The following KRT73 variants were observed in gnomAD, a reference collection of about 807,000 sequenced individuals.
The protein encoded by KRT73 is keratin 73.
KRT73 carries 44 observed loss-of-function variants against 47.2 expected under a neutral mutation model. That is an observed-to-expected ratio of 0.93 (90% CI 0.73 to 1.20). KRT73 has a LOEUF of 1.20. Ranked by LOEUF, KRT73 falls within the 50% of genes most tolerant of loss-of-function variation. The pLI, the probability that KRT73 is intolerant of heterozygous loss-of-function variation, is 0.00. For missense variants in KRT73, 713 were observed against 704.5 expected (o/e 1.01, Z -0.14); for synonymous variants, 285 against 291.3 (o/e 0.98, Z 0.22).
upstream of KRT73, among the ~76,000 whole-genome samples, chr12:52,621,093 G>A (rs941468280): frequency 6.6e-6 from 1 of 152,100 alleles, no homozygotes; most frequent in Non-Finnish European, 1.5e-5. Context: ...TCATTGAAAT[G>A]CCTCTAAGTG....
At chr12:52,622,147 T>C (rs182900878), upstream of KRT73, among the ~76,000 whole-genome samples, 59 of 151,944 alleles carry the variant, frequency 3.9e-4, no homozygotes, top group African/African-American at 1.3e-3. Flanking sequence ...AAAAAGACGA[T>C]TGATAGATGC....
intron 1 of KRT73, among the ~76,000 whole-genome samples, chr12:52,617,218 C>T (rs1310830174): frequency 2.0e-5 from 3 of 152,204 alleles, no homozygotes; most frequent in Non-Finnish European, 4.4e-5. Context: ...ACCACCCTAC[C>T]TCACTGTCGC....
intron 1 of KRT73, 125 bp from the exon 2 acceptor site, chr12:52,616,505 T>A (rs1256600083): frequency 1.8e-6 from 2 of 1,113,246 alleles, no homozygotes; most frequent in Non-Finnish European, 2.5e-6. Context: ...CCTTAAAAAC[T>A]GCCACCCATG....
At chr12:52,618,621 G>A (rs547950464), upstream of KRT73, 7 of 1,336,340 alleles carry the variant, frequency 5.2e-6, no homozygotes, top group East Asian at 2.4e-5. Flanking sequence ...TAGGACTCAA[G>A]AGGGAGCCAT....
At position 52,608,368 on chromosome 12, in the gene KRT73, G is replaced by T; in HGVS notation, c.1451C>A (p.Pro484His). The T allele has an allele frequency of 6.2e-7, 1 of 1,613,434 alleles. No homozygotes were observed. The highest frequency in any genetic ancestry group is 8.5e-7 in the Non-Finnish European group (1 of 1,180,034). The change falls in exon 9 of 9, where the codon CCC (proline) becomes CAC (histidine). Residue 484 changes from proline to histidine, a missense_variant. Coordinates refer to ENST00000305748, the MANE Select transcript of KRT73 (RefSeq NM_175068.3). ...FSNAGTYGYWPSSVSGGYSML... is the reference protein window; with the variant it reads ...FSNAGTYGYWHSSVSGGYSML... ...GCTGTAGCCCCCGCTGACAGAGCTG[G>T]GCCAGTAGCCGTAGGTGCCAGCATT...
At position 52,608,248 on chromosome 12, in the gene KRT73, G is replaced by C. The variant is rs769635101; in HGVS notation, c.1571C>G (p.Ser524Cys). The change falls in exon 9 of 9, where the codon TCC becomes TGC. Residue 524 changes from serine (S) to cysteine (C), a missense_variant. Ser to Cys is a moderately radical substitution (Grantham distance 112, BLOSUM62 -1). Coordinates refer to ENST00000305748, the MANE Select transcript of KRT73 (RefSeq NM_175068.3). ...GCTTAGAGCTAAGGTCTTTCCCTGGGAGTCCCTGAATTCACTTGCACTCCC... is the reference window on the plus strand; with the variant it reads ...GCTTAGAGCTAAGGTCTTTCCCTGGCAGTCCCTGAATTCACTTGCACTCCC... ...RLGSASEFRD[S>C]QGKTLALSSP... 6.2e-7 allele frequency: 1 copy of C among 1,613,948 alleles called. No homozygotes were observed. The highest frequency in any genetic ancestry group is 8.5e-7 in the Non-Finnish European group (1 of 1,179,994).
rs760428547 is a variant in KRT73, at chr12:52,616,192, G to C, written c.636C>G (p.Arg212=). 1.2e-6 allele frequency: 2 copies of C among 1,613,932 alleles called. No homozygotes were observed. The highest frequency in any genetic ancestry group is 2.7e-5 in the African/African-American group (2 of 74,912). ...VRLDSELRSV[R]EVVEDYKKRY... is the part of the protein sequence containing the mutation. ...TCTTCTTGTAGTCCTCCACCACTTC[G>C]CGCACGCTCCTCAGCTCCGAGTCCA... The change falls in exon 2 of 9, where the codon CGC becomes CGG. Residue 212 remains arginine (R), a synonymous_variant. Transcript: ENST00000305748.
chr12:52,612,129 T>C (rs994941133), intron 5 of KRT73, among the ~76,000 whole-genome samples: 1 of 152,210 alleles, frequency 6.6e-6, no homozygotes, highest in Non-Finnish European at 1.5e-5. Flanking sequence ...TCCATCTGTA[T>C]TTTCTGTGAC....
At chr12:52,622,181 TA>T (rs1940918262), upstream of KRT73, among the ~76,000 whole-genome samples, 2 of 152,158 alleles carry the variant, frequency 1.3e-5, no homozygotes, top group Non-Finnish European at 2.9e-5. Flanking sequence ...ACAAAGTTGT[TA>T]AAATTATCTG....
At chr12:52,620,053 C>A (rs542021671), upstream of KRT73, among the ~76,000 whole-genome samples, 14 of 151,800 alleles carry the variant, frequency 9.2e-5, no homozygotes, top group South Asian at 1.7e-3. Context: ...AAAGGCAATG[C>A]CACTTGGAAG....
Position 52,614,685 on chromosome 12 carries a change from T to A in KRT73, c.724-11A>T. The stretch of plus-strand genomic sequence containing the variant: ...AGCTGCGTCCACGTCCTATGGAGAA[T>A]CCAGATACCCCTGACCTCACCTTTC... On this transcript the variant is annotated splice_polypyrimidine_tract_variant and intron_variant, in intron 3 of 8. Transcript: ENST00000305748. 1.9e-6 allele frequency: 3 copies of A among 1,609,820 alleles called. No homozygotes were observed. Among genetic ancestry groups the A allele is most frequent in the Non-Finnish European group, 2.5e-6 (3 of 1,177,764 alleles).
Position 52,618,296 on chromosome 12 carries a change from G to A in KRT73, c.229C>T (p.Arg77Trp), listed in dbSNP as rs545577409. Residue 77 changes from arginine to tryptophan, a missense_variant, in exon 1 of 9, where the codon CGG becomes TGG. Coordinates refer to ENST00000305748, the MANE Select transcript of KRT73 (RefSeq NM_175068.3). ...WAGGYGFGRG[R>W]ASGFAGSMFG... ...ATGCTGCCAGCAAAGCCACTGGCCC[G>A]GCCCCGGCCAAATCCATAGCCTCCT... 42 of 1,614,154 alleles carry A rather than the reference G, an allele frequency of 2.6e-5. No homozygotes were observed. The highest frequency in any genetic ancestry group is 1.6e-4 in the South Asian group (15 of 91,066).
chr12:52,611,375 C>A (rs745869247), intron 5 of KRT73, 46 bp from the exon 6 acceptor site: 1 of 1,610,822 alleles, frequency 6.2e-7, no homozygotes. Flanking sequence ...CAGGGCTTGG[C>A]TGGGATCAGC....
Position 52,608,301 on chromosome 12 carries a change from G to T in KRT73, c.1518C>A (p.Ser506Arg), listed in dbSNP as rs753875373. Reference sequence around the variant, plus strand: ...GCCTGGTCCTGGCTTCCCCACGGGGGCTACAGTTCCCACTGCCAGTGACAC... The same window carrying T: ...GCCTGGTCCTGGCTTCCCCACGGGGTCTACAGTTCCCACTGCCAGTGACAC... The part of the protein sequence containing the change: ...GGCVTGSGNC[S>R]PRGEARTRLG... Residue 506 changes from serine to arginine, a missense_variant, in exon 9 of 9, where the codon AGC (serine) becomes AGA (arginine). Coordinates refer to ENST00000305748, the MANE Select transcript of KRT73 (RefSeq NM_175068.3). 6.2e-7 allele frequency: 1 copy of T among 1,613,860 alleles called. No homozygotes were observed. Among genetic ancestry groups the T allele is most frequent in the African/African-American group, 1.3e-5 (1 of 74,920 alleles).
intron 2 of KRT73, 62 bp from the exon 3 acceptor site, chr12:52,615,401 T>C (rs1940796103): frequency 1.5e-6 from 2 of 1,355,140 alleles, no homozygotes; most frequent in Non-Finnish European, 2.1e-6. Flanking sequence ...TACGTTCTCA[T>C]AGTGAAATGA....
At position 52,616,315 on chromosome 12, in the gene KRT73, G is replaced by T. The variant is rs1229738654; in HGVS notation, c.513C>A (p.Asp171Glu). ...CCAGGTTATTCTTGCAGTTGTTCAG[G>T]TCCAGCTGCTGTAGCAGCTCCCACT... Reference protein sequence around the residue: ...ETKWELLQQLDLNNCKNNLEP... With the variant: ...ETKWELLQQLELNNCKNNLEP... Residue 171 changes from aspartate (D) to glutamate (E), a missense_variant, in exon 2 of 9, where the codon GAC (aspartate) becomes GAA (glutamate). Transcript: ENST00000305748. 4.3e-6 allele frequency: 7 copies of T among 1,614,024 alleles called. No homozygotes were observed. In the Admixed American group the frequency reaches 6.7e-5, roughly 15 times the overall value.
chr12:52,613,468 C>T (rs1026344498), intron 5 of KRT73: 2 of 721,114 alleles, frequency 2.8e-6, no homozygotes, highest in Non-Finnish European at 4.1e-6. Context: ...CCACATTCAC[C>T]TGCACTCAGC....
At chr12:52,613,213 G>T (rs1242565720) in intron 5 of KRT73, among the ~76,000 whole-genome samples, 2 of 152,172 alleles carry the variant, frequency 1.3e-5, no homozygotes, top group Admixed American at 6.5e-5. Flanking sequence ...TACCATTAGG[G>T]GAGTTAAGAT....
At chr12:52,626,806 T>C in the KRT73 span, among the ~76,000 whole-genome samples, 4 of 152,160 alleles carry the variant, frequency 2.6e-5, no homozygotes, top group Admixed American at 1.3e-4. Context: ...AACGCAGCCA[T>C]AGGATGACCA....
Sources: gnomAD v4.1 joint callset for allele counts (sites outside exome capture counted in the v4.1 genomes callset) on GRCh38, gnomAD v4.1.1 for gene constraint, MANE v1.5 for transcripts, NCBI Gene and HGNC (gene_info 2026-07-23, HGNC 2026-07-21) for gene names.